Variants in CYREN observed in about 807,000 individuals in gnomAD.
CYREN encodes the protein cell cycle regulator of non-homologous end joining.
Under a neutral mutation model 9.7 loss-of-function variants are expected in CYREN, and 7 were observed. The ratio of observed to expected loss-of-function variants is 0.72; its 90% CI spans 0.41 to 1.36. The LOEUF (loss-of-function observed/expected upper bound fraction) is 1.36. CYREN is among the 40% of genes most tolerant of loss of function. The probability of loss-of-function intolerance (pLI) is 0.01; values close to 1 mark genes in which losing one functional copy is unlikely to be tolerated. For synonymous variants in CYREN, 76 were observed against 77.9 expected, an observed-to-expected ratio of 0.98 and a Z score of 0.13; for missense variants, 215 against 198.1, an observed-to-expected ratio of 1.09 and a Z score of -0.51.
intron 2 of CYREN, chr7:135,168,096 G>T: frequency 2.2e-6 from 1 of 450,648 alleles, no homozygotes. Context: ...ACACACACAT[G>T]GATGCAAGAG....
At chr7:135,107,935 T>A (rs1824995246) in intron 2 of CYREN, among the ~76,000 whole-genome samples, 1 of 152,222 alleles carries the variant, frequency 6.6e-6, no homozygotes, top group South Asian at 2.1e-4. Context: ...TAGGTCTTCT[T>A]GTTGAATTGA....
intron 2 of CYREN, among the ~76,000 whole-genome samples, chr7:135,096,655 T>A (rs55776614): frequency 0.55 from 69,353 of 126,714 alleles, 17,529 homozygotes; most frequent in South Asian, 0.7. Context: ...GTGGAAGAAC[T>A]TATACAACTA....
chr7:135,101,083 C>T, intron 2 of CYREN: 1 of 414,618 alleles, frequency 2.4e-6, no homozygotes, highest in Non-Finnish European at 4.8e-6. Flanking sequence ...TTTTCATCTC[C>T]CAAAGTATGA....
At chr7:135,135,380 T>A in intron 2 of CYREN, 1 of 844,544 alleles carries the variant, frequency 1.2e-6, no homozygotes, top group Non-Finnish European at 1.6e-6. Flanking sequence ...TACACATGCA[T>A]ATGCATAAAC....
intron 2 of CYREN, among the ~76,000 whole-genome samples, chr7:135,131,575 GAACT>G (rs1450177056): frequency 6.6e-6 from 1 of 151,838 alleles, no homozygotes; most frequent in African/African-American, 2.4e-5. Context: ...GAAATTTATA[GAACT>G]AACTGCATAT....
chr7:135,093,314 C>A (rs536174908), exon 3 of CYREN: 1 of 151,978 alleles, frequency 6.6e-6, no homozygotes, highest in Non-Finnish European at 1.5e-5. Context: ...CATACACACG[C>A]CACACTATTA....
intron 2 of CYREN, among the ~76,000 whole-genome samples, chr7:135,145,451 G>A (rs899014451): frequency 7.9e-5 from 12 of 152,184 alleles, no homozygotes; most frequent in Non-Finnish European, 1.6e-4. Context: ...GCATGGTGGT[G>A]ATGTGAGAAG....
At chr7:135,132,587 A>G (rs1828925363) in intron 2 of CYREN, among the ~76,000 whole-genome samples, 1 of 152,168 alleles carries the variant, frequency 6.6e-6, no homozygotes, top group African/African-American at 2.4e-5. Context: ...CTTTAATTGT[A>G]ATAATCCCCA....
chr7:135,127,617 C>T (rs922138855), intron 2 of CYREN, among the ~76,000 whole-genome samples: 2 of 150,800 alleles, frequency 1.3e-5, no homozygotes, highest in Admixed American at 6.6e-5. Flanking sequence ...ATCAAAACCA[C>T]AATGAGATAC....
At chr7:135,100,873 C>A (rs890219301) in intron 2 of CYREN, among the ~76,000 whole-genome samples, 3 of 152,176 alleles carry the variant, frequency 2.0e-5, no homozygotes, top group African/African-American at 7.2e-5. Flanking sequence ...AATAGCTTAA[C>A]CTCTCTGATT....
intron 2 of CYREN, among the ~76,000 whole-genome samples, chr7:135,104,470 G>T (rs1321559107): frequency 6.6e-6 from 1 of 152,094 alleles, no homozygotes; most frequent in African/African-American, 2.4e-5. Flanking sequence ...AGGTTGAGTG[G>T]TAATTCTGTT....
chr7:135,100,016 T>G (rs1441695254), intron 2 of CYREN: 1 of 151,204 alleles, frequency 6.6e-6, no homozygotes, highest in Non-Finnish European at 1.5e-5. Context: ...GCCTCCCGAG[T>G]AGCTGGAACT....
intron 2 of CYREN, among the ~76,000 whole-genome samples, chr7:135,111,531 C>G (rs1825634843): frequency 6.6e-6 from 1 of 152,010 alleles, no homozygotes; most frequent in Non-Finnish European, 1.5e-5. Context: ...ATCCAGTTAT[C>G]TAAGTAATAA....
At chr7:135,131,526 TTAAAA>T (rs1243618870) in intron 2 of CYREN, among the ~76,000 whole-genome samples, 3 of 151,742 alleles carry the variant, frequency 2.0e-5, no homozygotes, top group Non-Finnish European at 4.4e-5. Flanking sequence ...CTATAATATA[TTAAAA>T]TAAGTGAGAT....
intron 2 of CYREN, among the ~76,000 whole-genome samples, chr7:135,116,384 A>G (rs1189138477): frequency 6.6e-6 from 1 of 152,198 alleles, no homozygotes; most frequent in East Asian, 1.9e-4. Context: ...TACTTAATAT[A>G]CAAAGAGTGC....
intron 2 of CYREN, among the ~76,000 whole-genome samples, chr7:135,108,412 C>T (rs973092713): frequency 2.6e-5 from 4 of 152,148 alleles, no homozygotes; most frequent in Non-Finnish European, 4.4e-5. Context: ...TGGTAATGAA[C>T]TCCCTCAGCA....
rs1450192072 is a variant in CYREN at position 135,149,197 on chromosome 7, TC to T, written n.356+19551del. Among the ~76,000 whole-genome samples the T allele has an allele frequency of 3.3e-5, 5 of 152,326 alleles. No individual in the cohort carries two copies. The East Asian group carries it at 7.7e-4, about 23-fold the overall frequency. On this transcript the variant is annotated intron_variant and non_coding_transcript_variant, in intron 2 of 2. Transcript: ENST00000459937. ...CCTGTTTTATAAATTTCTTTTTTTT[TC>T]ATAAATGTAGCACATAATTCTAAAA... is the stretch of plus-strand genomic sequence containing the variant.
chr7:135,144,936 A>AG (rs1440354619), intron 2 of CYREN, among the ~76,000 whole-genome samples: 2 of 118,308 alleles, frequency 1.7e-5, no homozygotes, highest in Admixed American at 9.2e-5. Flanking sequence ...GTCTCAAAAG[A>AG]GTAAAAAAAA....
At chr7:135,171,811 G>A (rs558987043), upstream of CYREN, among the ~76,000 whole-genome samples, 33 of 150,122 alleles carry the variant, frequency 2.2e-4, no homozygotes, top group African/African-American at 7.6e-4. Flanking sequence ...AGAGGACTCC[G>A]GCCAGCCTGA....
Sources: gnomAD v4.1 joint callset for allele counts (sites outside exome capture counted in the v4.1 genomes callset) on GRCh38, gnomAD v4.1.1 for gene constraint, MANE v1.5 for transcripts, NCBI Gene and HGNC (gene_info 2026-07-23, HGNC 2026-07-21) for gene names.